The following SPAG16 variants were observed in gnomAD, a reference collection of about 807,000 sequenced individuals.
The protein encoded by SPAG16 is sperm-associated antigen 16 protein.
In SPAG16, 86 loss-of-function variants were observed where a neutral mutation model predicts 80.4. The observed-to-expected ratio is 1.07, with a 90% CI of 0.90 to 1.28. The LOEUF (loss-of-function observed/expected upper bound fraction) is 1.28. Ranked by LOEUF, SPAG16 falls within the 50% of genes most tolerant of loss-of-function variation. The pLI, the probability that SPAG16 is intolerant of heterozygous loss-of-function variation, is 0.00. For synonymous variants in SPAG16, 294 were observed against 265.9 expected (o/e 1.11, Z -1.03); for missense variants, 870 against 765.3 (o/e 1.14, Z -1.61).
chr2:213,585,476 C>G (rs758828009), intron 10 of SPAG16, among the ~76,000 whole-genome samples: 1 of 151,932 alleles, frequency 6.6e-6, no homozygotes, highest in Non-Finnish European at 1.5e-5. Flanking sequence ...GGGGTTTCAC[C>G]ATGTTGACCA....
rs764910595 is a variant in SPAG16 at position 213,422,214 on chromosome 2, C to A, written c.942+47095C>A. The A allele has an allele frequency of 8.6e-6, 6 of 701,482 alleles. No homozygotes were observed. In the African/African-American group the frequency reaches 1.0e-4, roughly 12 times the overall value. 43.5% of individuals were successfully genotyped at this position (701,482 alleles called of 1,614,324 possible). A position where few individuals can be genotyped will look rare whatever the true frequency, so the allele number is the denominator to read the frequency against. On this transcript the variant is annotated intron_variant, in intron 9 of 15. Coordinates refer to ENST00000331683, the MANE Select transcript of SPAG16 (RefSeq NM_024532.5). ...AGCTCCACGAGCCAGTGCTGTGACACCCTCTTTGGGGCTGTGCAGTTTCAG... is the reference window on the plus strand; with the variant it reads ...AGCTCCACGAGCCAGTGCTGTGACAACCTCTTTGGGGCTGTGCAGTTTCAG...
intron 15 of SPAG16, among the ~76,000 whole-genome samples, chr2:214,317,017 A>G (rs888780889): frequency 6.6e-6 from 1 of 152,210 alleles, no homozygotes; most frequent in African/African-American, 2.4e-5. Flanking sequence ...TTGGGCTGAT[A>G]ATGCAACACA....
intron 15 of SPAG16, among the ~76,000 whole-genome samples, chr2:214,310,226 T>C (rs1695199050): frequency 6.6e-6 from 1 of 151,838 alleles, no homozygotes; most frequent in Non-Finnish European, 1.5e-5. Context: ...TTTTCCTCCC[T>C]TGAAGGTGTG....
At chr2:214,132,552 G>A (rs1169357800) in intron 14 of SPAG16, among the ~76,000 whole-genome samples, 1 of 152,200 alleles carries the variant, frequency 6.6e-6, no homozygotes, top group African/African-American at 2.4e-5. Context: ...AGCAACAGAA[G>A]GAATACATTG....
At chr2:213,960,902 T>C (rs1347518610) in intron 12 of SPAG16, among the ~76,000 whole-genome samples, 1 of 152,208 alleles carries the variant, frequency 6.6e-6, no homozygotes, top group African/African-American at 2.4e-5. Flanking sequence ...ACTTCTGTGA[T>C]TGGAAGCAGC....
At chr2:213,708,998 CATT>C (rs1273322794) in intron 10 of SPAG16, among the ~76,000 whole-genome samples, 1 of 152,124 alleles carries the variant, frequency 6.6e-6, no homozygotes, top group Admixed American at 6.6e-5. Context: ...TTTAGACTAA[CATT>C]ATGGTATTAG....
intron 10 of SPAG16, among the ~76,000 whole-genome samples, chr2:213,610,985 C>A (rs544361181): frequency 6.6e-6 from 1 of 152,302 alleles, no homozygotes; most frequent in African/African-American, 2.4e-5. Context: ...CCATAAACAT[C>A]TAGAGGCCAG....
At chr2:213,788,668 A>G (rs935369758) in intron 10 of SPAG16, among the ~76,000 whole-genome samples, 1 of 151,904 alleles carries the variant, frequency 6.6e-6, no homozygotes, top group African/African-American at 2.4e-5. Flanking sequence ...AATAGACTAC[A>G]TCACTGGGAC....
intron 15 of SPAG16, among the ~76,000 whole-genome samples, chr2:214,196,514 G>A (rs974729898): frequency 6.6e-6 from 1 of 151,968 alleles, no homozygotes; most frequent in Non-Finnish European, 1.5e-5. Flanking sequence ...ATGGAAGAAT[G>A]GTAAATATCA....
intron 10 of SPAG16, among the ~76,000 whole-genome samples, chr2:213,832,121 G>A (rs534412563): frequency 5.9e-5 from 9 of 151,772 alleles, no homozygotes; most frequent in African/African-American, 1.4e-4. Context: ...CCTCAGCCTC[G>A]TGAGTAGCTG....
At chr2:214,392,961 A>G (rs1701176009) in intron 15 of SPAG16, among the ~76,000 whole-genome samples, 1 of 152,210 alleles carries the variant, frequency 6.6e-6, no homozygotes, top group Non-Finnish European at 1.5e-5. Context: ...TTGATGTATT[A>G]AGAAATACTA....
intron 11 of SPAG16, among the ~76,000 whole-genome samples, chr2:213,919,541 C>A (rs1287481549): frequency 6.6e-6 from 1 of 152,160 alleles, no homozygotes; most frequent in East Asian, 1.9e-4. Context: ...GCTTTAATTT[C>A]ATTATTTACT....
At chr2:214,341,540 A>G (rs1188100804) in intron 15 of SPAG16, among the ~76,000 whole-genome samples, 1 of 152,222 alleles carries the variant, frequency 6.6e-6, no homozygotes, top group Non-Finnish European at 1.5e-5. Context: ...AGATTTCAAA[A>G]AAATGACTTG....
At chr2:214,386,811 C>G (rs1700780430) in intron 15 of SPAG16, among the ~76,000 whole-genome samples, 1 of 151,298 alleles carries the variant, frequency 6.6e-6, no homozygotes, top group East Asian at 1.9e-4. Flanking sequence ...CTGCAGTGAG[C>G]CAAGATTGTG....
chr2:214,122,262 G>A (rs1003102047), intron 14 of SPAG16, among the ~76,000 whole-genome samples: 2 of 151,672 alleles, frequency 1.3e-5, no homozygotes, highest in Admixed American at 1.3e-4. Flanking sequence ...AAAAAAATAG[G>A]TATAAACTTC....
chr2:214,097,852 T>A (rs556306734), intron 13 of SPAG16, among the ~76,000 whole-genome samples: 1 of 152,184 alleles, frequency 6.6e-6, no homozygotes, highest in Non-Finnish European at 1.5e-5. Context: ...GAGTACTTGC[T>A]TTGTCACGGG....
chr2:214,027,708 A>G (rs1029996465), intron 13 of SPAG16, among the ~76,000 whole-genome samples: 3 of 151,884 alleles, frequency 2.0e-5, no homozygotes, highest in South Asian at 2.1e-4. Context: ...AAGTTTTAGG[A>G]CAGTTAAAAT....
chr2:214,381,331 G>A (rs563557525), intron 15 of SPAG16, among the ~76,000 whole-genome samples: 1 of 152,140 alleles, frequency 6.6e-6, no homozygotes, highest in Admixed American at 6.5e-5. Context: ...TTTCATTAAA[G>A]TAACTCTAAG....
At chr2:213,777,220 G>C (rs2069646758) in intron 10 of SPAG16, among the ~76,000 whole-genome samples, 1 of 146,060 alleles carries the variant, frequency 6.8e-6, no homozygotes, top group Non-Finnish European at 1.5e-5. Context: ...TCTTCAGCAA[G>C]TGTCCAGTTT....
Sources: allele counts gnomAD v4.1 joint callset (sites outside exome capture counted in the v4.1 genomes callset), GRCh38; gene constraint gnomAD v4.1.1; transcripts MANE v1.5; gene names NCBI Gene and HGNC (gene_info 2026-07-23, HGNC 2026-07-21).